The following KLK1 variants were observed in gnomAD, a reference collection of about 807,000 sequenced individuals.
The protein encoded by KLK1 is kallikrein-1.
KLK1 carries 22 observed loss-of-function variants against 23.3 expected under a neutral mutation model. The observed-to-expected ratio is 0.95, with a 90% CI of 0.68 to 1.35. KLK1 has a LOEUF of 1.35. Among genes scored for constraint, KLK1 ranks in the 40% most tolerant of loss-of-function variants. The pLI, the probability that KLK1 is intolerant of heterozygous loss-of-function variation, is 0.00. For synonymous variants in KLK1, 140 were observed against 135.8 expected (o/e 1.03, Z -0.21); for missense variants, 301 against 338.9 (o/e 0.89, Z 0.88).
At chr19:50,820,655 C>T in intron 2 of KLK1, 1 of 482,658 alleles carries the variant, frequency 2.1e-6, no homozygotes. Flanking sequence ...AATGAAGAGA[C>T]AGAGCAAAAA....
rs1044684778 is a variant in KLK1 at position 50,820,289 on chromosome 19, G to C, written c.361C>G (p.Leu121Val). 2 of 1,614,094 alleles carry C rather than the reference G, an allele frequency of 1.2e-6. No homozygotes were observed. Among genetic ancestry groups the C allele is most frequent in the East Asian group, 2.2e-5 (1 of 44,844 alleles). The change falls in exon 3 of 5, where the codon CTC becomes GTC. Residue 121 changes from leucine (L) to valine (V), a missense_variant. By Grantham distance (32) the Leu-to-Val change is conservative. Coordinates refer to ENST00000301420, the MANE Select transcript of KLK1 (RefSeq NM_002257.4). ...RQADEDYSHD[L>V]MLLRLTEPAD... ...GGCTCTGTCAGGCGGAGCAGCATGAGGTCGTGGCTGTAGTCCTCGTCTGCT... is the reference window on the plus strand; with the variant it reads ...GGCTCTGTCAGGCGGAGCAGCATGACGTCGTGGCTGTAGTCCTCGTCTGCT...
rs973334943 is a variant in KLK1, at chr19:50,822,960, G to GGAAC, written c.46+739_46+742dup. ...GGTTCCAGAAAACCAGAGCTGTGTA[G>GGAAC]GAACAATTCAGGCAGAGAAGGGCTG... On this transcript the variant is annotated intron_variant, in intron 1 of 4. Coordinates refer to ENST00000301420, the MANE Select transcript of KLK1 (RefSeq NM_002257.4). 3 of 979,440 alleles carry GGAAC rather than the reference G, an allele frequency of 3.1e-6. No individual in the cohort carries two copies. The African/African-American group carries it at 5.3e-5, about 17-fold the overall frequency. The allele number at this position is 979,440 out of a possible 1,614,324, so 60.7% of individuals were successfully genotyped here. A position where few individuals can be genotyped will look rare whatever the true frequency, so the allele number is the denominator to read the frequency against.
chr19:50,820,506 G>GGGGGGGT, intron 2 of KLK1, 63 bp from the exon 3 acceptor site: 1 of 448,548 alleles, frequency 2.2e-6, no homozygotes. Context: ...TGGGGCAGGG[G>GGGGGGGT]AGCATGGGGG....
chr19:50,819,656 A>C (rs2089809565), intron 4 of KLK1, among the ~76,000 whole-genome samples: 1 of 150,976 alleles, frequency 6.6e-6, no homozygotes, highest in Non-Finnish European at 1.5e-5. Flanking sequence ...CTCCAGGACT[A>C]CTCTCTGACT....
At chr19:50,820,588 A>G in intron 2 of KLK1, 145 bp from the exon 3 acceptor site, 1 of 624,666 alleles carries the variant, frequency 1.6e-6, no homozygotes. Context: ...AGATATAGTT[A>G]TGGAGAAATA....
At chr19:50,823,038 G>T in intron 1 of KLK1, 2 of 392,152 alleles carry the variant, frequency 5.1e-6, no homozygotes, top group Non-Finnish European at 7.0e-6. Context: ...TGGTGGGAGG[G>T]TGTGGTGTTT....
At position 50,821,085 on chromosome 19, in the gene KLK1, C is replaced by T. The variant is rs1454869310; in HGVS notation, c.206+627G>A. On this transcript the variant is annotated intron_variant, in intron 2 of 4. Transcript: ENST00000301420. The surrounding 1 kb of genome is among the most constrained non-coding windows in gnomAD (Gnocchi z 5.6). ...CAAGGTCGAGGCCCCCTTCCCTTCC[C>T]AGCACCCTCCCGCGCGTTTCTCGCC... Among the ~76,000 whole-genome samples the T allele has an allele frequency of 6.6e-6, 1 of 152,136 alleles. No homozygotes were observed. Among genetic ancestry groups the T allele is most frequent in the East Asian group, 1.9e-4 (1 of 5,168 alleles).
chr19:50,820,051 A>T lies in KLK1; in HGVS notation c.497-16T>A. On this transcript the variant is annotated splice_polypyrimidine_tract_variant and intron_variant, in intron 3 of 4. Transcript: ENST00000301420. ...GGAAATGAGACTACGAACCCGGGAG[A>T]AAAAGGGCTGCAGCCCGACCTCACC... The T allele has an allele frequency of 6.2e-7, 1 of 1,613,792 alleles. No homozygotes were observed. Among genetic ancestry groups the T allele is most frequent in the Non-Finnish European group, 8.5e-7 (1 of 1,179,856 alleles).
At position 50,819,934 on chromosome 19, in the gene KLK1, CACACAGCATGAAGT is replaced by C; in HGVS notation, c.584_597del (p.Asp195GlyfsTer14). 6.2e-7 allele frequency: 1 copy of C among 1,614,224 alleles called. No individual in the cohort carries two copies. The highest frequency in any genetic ancestry group is 8.5e-7 in the Non-Finnish European group (1 of 1,180,038). On this transcript the variant is annotated frameshift_variant, in exon 4 of 5. Coordinates refer to ENST00000301420, the MANE Select transcript of KLK1 (RefSeq NM_002257.4). LOFTEE classifies it low-confidence loss of function (END_TRUNC). Reference sequence around the variant, plus strand: ...TCTTTGCCACCTTCCAGGTGTCCGACACACAGCATGAAGTCTGTCACCTTCTGGACGTGGGCTTT... The same window carrying C: ...TCTTTGCCACCTTCCAGGTGTCCGACCTGTCACCTTCTGGACGTGGGCTTT...
At chr19:50,819,717 G>A (rs1237983665) in intron 4 of KLK1, among the ~76,000 whole-genome samples, 182 bp downstream of exon 4, 1 of 152,014 alleles carries the variant, frequency 6.6e-6, no homozygotes, top group East Asian at 1.9e-4. Context: ...GGTGTGGGGG[G>A]TGAGATGCAG....
At chr19:50,822,513 A>G in intron 1 of KLK1, 1 of 985,198 alleles carries the variant, frequency 1.0e-6, no homozygotes, top group Non-Finnish European at 1.2e-6. Context: ...TTAAAGGGTA[A>G]AAGAAAGGGC....
At chr19:50,819,407 C>A in intron 4 of KLK1, 58 bp from the exon 5 acceptor site, 1 of 1,529,308 alleles carries the variant, frequency 6.5e-7, no homozygotes, top group Non-Finnish European at 8.9e-7. Flanking sequence ...CAAGTTCTGC[C>A]TGGGGAGCCC....
chr19:50,823,595 G>A (rs1463909624), intron 1 of KLK1, 108 bp downstream of exon 1: 2 of 695,514 alleles, frequency 2.9e-6, no homozygotes, highest in Non-Finnish European at 5.0e-6. Flanking sequence ...CTGTGGGCCA[G>A]AGGGATGAGG....
chr19:50,823,745 A>G lies in KLK1; in HGVS notation c.4T>C (p.Trp2Arg), dbSNP rs1370230532. The stretch of plus-strand genomic sequence containing the variant: ...AGGGCGAGGCACAGAACCAGGAACC[A>G]CATGGTGACAGAGGTGTCCAGGGGC... M[W>R]FLVLCLALSL... Residue 2 changes from tryptophan (W) to arginine (R), a missense_variant, in exon 1 of 5, where the codon TGG (tryptophan) becomes CGG (arginine). Trp to Arg is a moderately radical substitution (Grantham distance 101, BLOSUM62 -3). Transcript: ENST00000301420. The G allele has an allele frequency of 6.2e-7, 1 of 1,610,884 alleles. No individual in the cohort carries two copies. Among genetic ancestry groups the G allele is most frequent in the Non-Finnish European group, 8.5e-7 (1 of 1,177,846 alleles).
At chr19:50,822,693 AGGATGGGATCTT>A in intron 1 of KLK1, 1 of 983,010 alleles carries the variant, frequency 1.0e-6, no homozygotes, top group Non-Finnish European at 1.2e-6. Flanking sequence ...GACAGGGTGA[AGGATGGGATCTT>A]CGTTTCTCAT....
rs1172300454 is a variant in KLK1, at chr19:50,819,273, G to T, written c.710C>A (p.Thr237Asn). 1 of 1,614,160 alleles carries T rather than the reference G, an allele frequency of 6.2e-7. No individual in the cohort carries two copies. Among genetic ancestry groups the T allele is most frequent in the Non-Finnish European group, 8.5e-7 (1 of 1,179,984 alleles). The change falls in exon 5 of 5, where the codon ACC becomes AAC. Residue 237 changes from threonine to asparagine, a missense_variant. Thr to Asn is a moderately conservative substitution (Grantham distance 65). Transcript: ENST00000301420. ...GACGGCGACAGAAGGCTTATTGGGG[G>T]TGCCACAAGGGACGTAGCCCCATGA... ...VTSWGYVPCGTPNKPSVAVRV... is the reference protein window; with the variant it reads ...VTSWGYVPCGNPNKPSVAVRV...
chr19:50,819,423 C>T (rs531390135), intron 4 of KLK1, 74 bp from the exon 5 acceptor site: 120 of 1,456,812 alleles, frequency 8.2e-5, no homozygotes, highest in African/African-American at 7.0e-4. Flanking sequence ...AGCCCCAGCT[C>T]GCAGACAGGG....
intron 3 of KLK1, 35 bp downstream of exon 3, chr19:50,820,118 TC>T: frequency 6.2e-7 from 1 of 1,602,796 alleles, no homozygotes; most frequent in South Asian, 1.1e-5. Context: ...GGAGTCCCCA[TC>T]CCCGCCTTGG....
Position 50,823,707 on chromosome 19 carries a change from C to T in KLK1, c.42G>A (p.Gly14=), listed in dbSNP as rs780836923. ...LVLCLALSLG[G]TGAAPPIQSR... is the part of the protein sequence containing the mutation. ...CACATCCCCCCACTGTCTCACCAGTCCCCCCCAGGGACAGGGCGAGGCACA... is the reference window on the plus strand; with the variant it reads ...CACATCCCCCCACTGTCTCACCAGTTCCCCCCAGGGACAGGGCGAGGCACA... Residue 14 remains glycine (G), a synonymous_variant, in exon 1 of 5, where the codon GGG becomes GGA. Transcript: ENST00000301420. 8 of 1,590,832 alleles carry T rather than the reference C, an allele frequency of 5.0e-6. No homozygotes were observed. The highest frequency in any genetic ancestry group is 3.4e-5 in the South Asian group (3 of 89,534).
Sources: allele counts gnomAD v4.1 joint callset (sites outside exome capture counted in the v4.1 genomes callset), GRCh38; gene constraint gnomAD v4.1.1; non-coding constraint Gnocchi (gnomAD v3.1); transcripts MANE v1.5; gene names NCBI Gene and HGNC (gene_info 2026-07-23, HGNC 2026-07-21).